The following LARGE1 variants were observed in gnomAD, a reference collection of about 807,000 sequenced individuals.
The protein encoded by LARGE1 is LARGE xylosyl- and glucuronyltransferase 1.
In LARGE1, 43 loss-of-function variants were observed where a neutral mutation model predicts 87.6. The observed-to-expected ratio is 0.49, with a 90% CI of 0.38 to 0.63. The LOEUF is 0.63. Among genes scored for constraint, LARGE1 ranks in the 30% least tolerant of loss-of-function variants. The pLI is 0.00. For synonymous variants in LARGE1, 434 were observed against 394.6 expected, an observed-to-expected ratio of 1.10 and a Z score of -1.18; for missense variants, 802 against 1,000.2, an observed-to-expected ratio of 0.80 and a Z score of 2.67.
chr22:33,528,137 G>C (rs1265150929), intron 6 of LARGE1, among the ~76,000 whole-genome samples: 1 of 150,850 alleles, frequency 6.6e-6, no homozygotes, highest in African/African-American at 2.4e-5. Flanking sequence ...GGTCGGGGGG[G>C]GCGGGGCGGG....
At chr22:33,803,640 G>A (rs1005595353) in intron 1 of LARGE1, among the ~76,000 whole-genome samples, 1 of 152,192 alleles carries the variant, frequency 6.6e-6, no homozygotes, top group African/African-American at 2.4e-5. Context: ...AGGTCTATGA[G>A]GCAAAGTCTG....
At chr22:33,478,974 A>G (rs1362129382) in intron 6 of LARGE1, among the ~76,000 whole-genome samples, 1 of 152,172 alleles carries the variant, frequency 6.6e-6, no homozygotes, top group Non-Finnish European at 1.5e-5. Flanking sequence ...GTTGACACCA[A>G]GGATTTTTAC....
chr22:33,563,971 G>A (rs1602455031), intron 6 of LARGE1, among the ~76,000 whole-genome samples: 1 of 152,066 alleles, frequency 6.6e-6, no homozygotes, highest in South Asian at 2.1e-4. Flanking sequence ...AATATCCTGT[G>A]ATTTATGAAA....
At chr22:33,606,386 T>C (rs1297603511) in intron 4 of LARGE1, among the ~76,000 whole-genome samples, 2 of 150,494 alleles carry the variant, frequency 1.3e-5, no homozygotes, top group African/African-American at 2.5e-5. Flanking sequence ...GCCTGGGTGA[T>C]GGAGCGAGAC....
chr22:33,453,972 T>TG (rs1300197619), intron 6 of LARGE1, among the ~76,000 whole-genome samples: 9 of 152,218 alleles, frequency 5.9e-5, no homozygotes, highest in African/African-American at 2.2e-4. Context: ...CAGAGCTCAT[T>TG]GCCTTAGTGT....
chr22:33,702,919 C>A (rs1228577235), intron 2 of LARGE1, among the ~76,000 whole-genome samples: 1 of 151,920 alleles, frequency 6.6e-6, no homozygotes, highest in African/African-American at 2.4e-5. Context: ...AGCAGAAGAC[C>A]CTGAGACGGG....
intron 1 of LARGE1, among the ~76,000 whole-genome samples, chr22:33,801,427 A>C (rs560603932): frequency 2.0e-5 from 3 of 152,252 alleles, no homozygotes; most frequent in African/African-American, 7.2e-5. Flanking sequence ...AATGGTAGCT[A>C]ATTATGGTCT....
At chr22:33,129,874 C>G in the LARGE1 span, among the ~76,000 whole-genome samples, 2 of 152,174 alleles carry the variant, frequency 1.3e-5, no homozygotes, top group African/African-American at 2.4e-5. Flanking sequence ...CCTGGTCCAA[C>G]CTTTGACACG....
intron 2 of LARGE1, among the ~76,000 whole-genome samples, chr22:33,665,229 A>G (rs13055437): frequency 0.41 from 61,526 of 151,902 alleles, 14,632 homozygotes; most frequent in South Asian, 0.61. Context: ...ATTCTTCTCC[A>G]CTCCACAAAT....
chr22:33,569,816 G>A (rs146469506), intron 5 of LARGE1, among the ~76,000 whole-genome samples: 19 of 152,278 alleles, frequency 1.2e-4, no homozygotes, highest in African/African-American at 4.6e-4. Context: ...AATTTTCCAT[G>A]CCCCTCTCCT....
intron 2 of LARGE1, among the ~76,000 whole-genome samples, chr22:33,683,746 CAG>C (rs2081855570): frequency 6.6e-6 from 1 of 152,132 alleles, no homozygotes; most frequent in Admixed American, 6.6e-5. Flanking sequence ...TACTAAATGA[CAG>C]AGATACTATC....
At chr22:33,765,467 G>T (rs2084870726) in intron 1 of LARGE1, among the ~76,000 whole-genome samples, 1 of 152,058 alleles carries the variant, frequency 6.6e-6, no homozygotes, top group Admixed American at 6.6e-5. Context: ...ACTTTGGCAG[G>T]CTGAGGCGGG....
rs1014772673 is a variant in LARGE1 at position 33,795,332 on chromosome 22, T to C, written c.-82-33774A>G. ...AATAATTACTACCACTACTTACTTA[T>C]ATGTAGGTTTACACAGACGCAAATA... On this transcript the variant is annotated intron_variant, in intron 1 of 14. Transcript: ENST00000397394. 2.6e-5 allele frequency among the ~76,000 whole-genome samples: 4 copies of C among 152,324 alleles called. No homozygotes were observed. The South Asian group carries it at 8.3e-4, about 32-fold the overall frequency.
intron 10 of LARGE1, among the ~76,000 whole-genome samples, chr22:33,319,598 G>A (rs951530668): frequency 3.3e-5 from 5 of 152,142 alleles, no homozygotes; most frequent in African/African-American, 1.2e-4. Flanking sequence ...GTTTCACTAT[G>A]TTGGCCAGGC....
At chr22:33,113,841 C>A in the LARGE1 span, among the ~76,000 whole-genome samples, 1 of 151,820 alleles carries the variant, frequency 6.6e-6, no homozygotes, top group Non-Finnish European at 1.5e-5. Flanking sequence ...TAGCCGTGTG[C>A]CTCAGCTCCT....
chr22:33,441,585 C>T (rs2067480045), intron 6 of LARGE1, among the ~76,000 whole-genome samples: 2 of 152,082 alleles, frequency 1.3e-5, no homozygotes, highest in Admixed American at 1.3e-4. Flanking sequence ...TCCTGAGCAG[C>T]TACGGGACTA....
In LARGE1 at chr22:33,334,596, C is replaced by T. The variant is rs564262564; in HGVS notation, c.1287+3050G>A. ...AGTGGGAATAGCAAGCACGAAAGCC[C>T]TATGGTGAGCCCAGAATGTAGAAAG... On this transcript the variant is annotated intron_variant, in intron 10 of 14. Transcript: ENST00000397394. Among the ~76,000 whole-genome samples the T allele has an allele frequency of 5.3e-5, 8 of 152,166 alleles. No homozygotes were observed. In the East Asian group the frequency reaches 1.2e-3, roughly 22 times the overall value.
intron 11 of LARGE1, among the ~76,000 whole-genome samples, chr22:33,192,707 C>G (rs1923847170): frequency 6.6e-6 from 1 of 151,698 alleles, no homozygotes; most frequent in Admixed American, 6.6e-5. Context: ...GCTTTTGTGG[C>G]CTGTGCTTTT....
Position 33,184,613 on chromosome 22 carries a change from A to C in LARGE1, c.1731-17781T>G, listed in dbSNP as rs139177225. Among the ~76,000 whole-genome samples, 1,297 of 152,052 alleles carry C rather than the reference A, an allele frequency of 8.5e-3. 24 individuals are homozygous for C. Among genetic ancestry groups the C allele is most frequent in the Admixed American group, 0.036 (557 of 15,266 alleles). ...TCTACCAGAAATCAATGAAAGAAAA[A>C]AACAAAAAATTAATCATGGGAATGA... On this transcript the variant is annotated intron_variant, in intron 11 of 11. Coordinates refer to the LARGE1 transcript ENST00000608642.
Sources: gnomAD v4.1 joint callset for allele counts (sites outside exome capture counted in the v4.1 genomes callset) on GRCh38, gnomAD v4.1.1 for gene constraint, MANE v1.5 for transcripts, NCBI Gene and HGNC (gene_info 2026-07-23, HGNC 2026-07-21) for gene names.